USP25: variants seen among roughly 807,000 people sequenced by gnomAD.
The protein encoded by USP25 is ubiquitin specific peptidase 25.
USP25 carries 85 observed loss-of-function variants against 158.5 expected under a neutral mutation model. The ratio of observed to expected loss-of-function variants is 0.54; its 90% confidence interval spans 0.45 to 0.64. The LOEUF is 0.64. Ranked by LOEUF, USP25 falls within the 30% of genes least tolerant of loss-of-function variation. USP25 has a pLI of 0.00. For synonymous variants in USP25, 464 were observed against 460.4 expected, an observed-to-expected ratio of 1.01 and a Z score of -0.10; for missense variants, 1,242 against 1,327.3, an observed-to-expected ratio of 0.94 and a Z score of 1.00.
At chr21:15,770,659 A>G (rs1009071955) in intron 3 of USP25, among the ~76,000 whole-genome samples, 2 of 152,206 alleles carry the variant, frequency 1.3e-5, no homozygotes, top group African/African-American at 4.8e-5. Flanking sequence ...TATAGTTGCC[A>G]CTAGTCACAC....
intron 20 of USP25, among the ~76,000 whole-genome samples, chr21:15,851,263 G>A (rs1207775206): frequency 2.0e-5 from 3 of 151,992 alleles, no homozygotes; most frequent in Non-Finnish European, 4.4e-5. Flanking sequence ...GTTAATATCT[G>A]CATATAAATA....
chr21:15,872,103 T>G (rs1202380621), intron 23 of USP25, among the ~76,000 whole-genome samples: 1 of 148,464 alleles, frequency 6.7e-6, no homozygotes, highest in Non-Finnish European at 1.5e-5. Flanking sequence ...TGCCAAAAGA[T>G]TCTGTCAAAA....
intron 23 of USP25, among the ~76,000 whole-genome samples, chr21:15,870,709 A>T (rs2146588945): frequency 1.3e-5 from 2 of 152,280 alleles, no homozygotes; most frequent in Middle Eastern, 6.8e-3. Context: ...CGTGTTGTTG[A>T]ACATTAACTT....
chr21:15,820,487 C>CT (rs953511165), intron 10 of USP25, among the ~76,000 whole-genome samples: 1 of 151,826 alleles, frequency 6.6e-6, no homozygotes, highest in African/African-American at 2.4e-5. Flanking sequence ...TGATGGTTCT[C>CT]TATTTTAGCA....
intron 1 of USP25, among the ~76,000 whole-genome samples, chr21:15,739,438 T>G (rs1208446403): frequency 1.3e-5 from 2 of 152,160 alleles, no homozygotes; most frequent in Non-Finnish European, 2.9e-5. Flanking sequence ...TGTTTAAGCT[T>G]TCACCCTAGG....
chr21:15,745,620 C>T (rs1302348448), intron 1 of USP25, among the ~76,000 whole-genome samples: 1 of 151,702 alleles, frequency 6.6e-6, no homozygotes, highest in Non-Finnish European at 1.5e-5. Flanking sequence ...GGATTACAGG[C>T]ATGCACCACC....
chr21:15,748,438 AC>A (rs1276885499), intron 1 of USP25, among the ~76,000 whole-genome samples: 1 of 120,862 alleles, frequency 8.3e-6, no homozygotes, highest in African/African-American at 3.2e-5. Flanking sequence ...TGTACCATCC[AC>A]CCAGCTACTT....
chr21:15,874,612 A>G, intron 24 of USP25, 86 bp downstream of exon 24: 1 of 1,352,460 alleles, frequency 7.4e-7, no homozygotes. Context: ...GATTGACTCC[A>G]TAAACTCTGA....
intron 10 of USP25, among the ~76,000 whole-genome samples, chr21:15,819,688 A>T (rs1386700081): frequency 6.6e-6 from 1 of 152,112 alleles, no homozygotes; most frequent in Non-Finnish European, 1.5e-5. Flanking sequence ...CTTTATACTG[A>T]ATAGGTGCTT....
At chr21:15,828,442 C>G (rs879565120) in intron 14 of USP25, among the ~76,000 whole-genome samples, 1 of 152,144 alleles carries the variant, frequency 6.6e-6, no homozygotes, top group Non-Finnish European at 1.5e-5. Flanking sequence ...ACTTAAAATA[C>G]TCTTTGGAGA....
At chr21:15,777,418 T>TAAATGTGTAAATGTA (rs2034719822) in intron 3 of USP25, among the ~76,000 whole-genome samples, 1 of 152,232 alleles carries the variant, frequency 6.6e-6, no homozygotes, top group Non-Finnish European at 1.5e-5. Context: ...TGTGTAAATG[T>TAAATGTGTAAATGTA]ACATCTCTGG....
chr21:15,766,202 G>A lies in USP25; in HGVS notation c.268+61G>A. ...AACATACTGAAAAACTTTTCTTGGT[G>A]TAATATATTAATGTTGCTTAAGGAG... On this transcript the variant is annotated intron_variant, in intron 3 of 25. Transcript: ENST00000400183. This position sits in a 1 kb window ranked among gnomAD's most constrained non-coding sequence, Gnocchi z 4.0. 1 of 1,493,072 alleles carries A rather than the reference G, an allele frequency of 6.7e-7. No individual in the cohort carries two copies. Among genetic ancestry groups the A allele is most frequent in the Non-Finnish European group, 8.9e-7 (1 of 1,124,836 alleles). The allele number at this position is 1,493,072 out of a possible 1,614,324, so 92.5% of individuals were successfully genotyped here.
Position 15,824,024 on chromosome 21 carries a change from T to G in USP25, c.1081-15T>G. 6.2e-7 allele frequency: 1 copy of G among 1,607,656 alleles called. No homozygotes were observed. Among genetic ancestry groups the G allele is most frequent in the Non-Finnish European group, 8.5e-7 (1 of 1,176,476 alleles). ...GTGGTATTAAAGTTTTTGTTATTGT[T>G]TTATTTCCTTTCAGCATTGGTTTAC... On this transcript the variant is annotated splice_polypyrimidine_tract_variant and intron_variant, in intron 10 of 25. Coordinates refer to ENST00000400183, the MANE Select transcript of USP25 (RefSeq NM_001283041.3).
intron 3 of USP25, among the ~76,000 whole-genome samples, chr21:15,777,587 T>C (rs2034731578): frequency 6.6e-6 from 1 of 152,198 alleles, no homozygotes; most frequent in African/African-American, 2.4e-5. Context: ...TTTCAATTTT[T>C]GTTGATAAAC....
At position 15,842,395 on chromosome 21, in the gene USP25, A is replaced by G. The variant is rs953848148; in HGVS notation, c.2195-3A>G. ...ATATATAATTGATTCTTTTCTCATG[A>G]AGCACAAGCAGCAGGAGACCCAGAA... is the stretch of plus-strand genomic sequence containing the variant. On this transcript the variant is annotated splice_region_variant and splice_polypyrimidine_tract_variant and intron_variant, in intron 17 of 25. Coordinates refer to ENST00000400183, the MANE Select transcript of USP25 (RefSeq NM_001283041.3). 3.7e-6 allele frequency: 6 copies of G among 1,612,320 alleles called. No individual in the cohort carries two copies. The highest frequency in any genetic ancestry group is 5.1e-6 in the Non-Finnish European group (6 of 1,179,392).
chr21:15,758,979 T>C (rs2033568421), intron 1 of USP25, among the ~76,000 whole-genome samples: 1 of 152,204 alleles, frequency 6.6e-6, no homozygotes, highest in African/African-American at 2.4e-5. Context: ...TTATAATTAA[T>C]GGCCATCAAC....
intron 1 of USP25, among the ~76,000 whole-genome samples, chr21:15,755,609 A>G (rs1193891138): frequency 6.6e-6 from 1 of 152,180 alleles, no homozygotes; most frequent in Non-Finnish European, 1.5e-5. Context: ...GTAACTTTCT[A>G]GAGGGTGTGT....
At chr21:15,836,414 A>C (rs2038065175) in intron 17 of USP25, among the ~76,000 whole-genome samples, 2 of 152,236 alleles carry the variant, frequency 1.3e-5, no homozygotes, top group African/African-American at 4.8e-5. Flanking sequence ...TTTTTGGTTC[A>C]TTTCATGCTG....
At chr21:15,860,876 GA>G (rs113810854) in intron 20 of USP25, among the ~76,000 whole-genome samples, 3 of 150,798 alleles carry the variant, frequency 2.0e-5, no homozygotes, top group African/African-American at 7.3e-5. Context: ...TTTCCCATTA[GA>G]TTTAACTGCC....
Sources: gnomAD v4.1 joint callset for allele counts (sites outside exome capture counted in the v4.1 genomes callset) on GRCh38, gnomAD v4.1.1 for gene constraint, Gnocchi (gnomAD v3.1) non-coding constraint, MANE v1.5 for transcripts, NCBI Gene and HGNC (gene_info 2026-07-23, HGNC 2026-07-21) for gene names.